PDE4D: variants seen among roughly 807,000 people sequenced by gnomAD.
PDE4D encodes phosphodiesterase 4D, also known as 3',5'-cyclic-AMP phosphodiesterase 4D.
PDE4D carries 24 observed loss-of-function variants against 87.4 expected under a neutral mutation model. That is an observed-to-expected ratio of 0.27 (90% confidence interval 0.20 to 0.39). The LOEUF (loss-of-function observed/expected upper bound fraction) is 0.39. Among genes scored for constraint, PDE4D ranks in the 10% least tolerant of loss-of-function variants. PDE4D has a pLI of 1.00. For synonymous variants in PDE4D, 384 were observed against 383.2 expected, an observed-to-expected ratio of 1.00 and a Z score of -0.02; for missense variants, 714 against 1,041.0, an observed-to-expected ratio of 0.69 and a Z score of 4.32.
intron 2 of PDE4D, among the ~76,000 whole-genome samples, chr5:60,012,017 G>A (rs1391359222): frequency 6.6e-6 from 1 of 151,966 alleles, no homozygotes; most frequent in Non-Finnish European, 1.5e-5. Flanking sequence ...CTATCACAGT[G>A]GTGCATGAAA....
chr5:60,068,804 G>A (rs1373741212), intron 2 of PDE4D, among the ~76,000 whole-genome samples: 1 of 152,076 alleles, frequency 6.6e-6, no homozygotes. Flanking sequence ...GTTTCACTAT[G>A]TTGCCCAGGC....
intron 1 of PDE4D, among the ~76,000 whole-genome samples, chr5:60,405,127 C>A (rs1379338144): frequency 6.6e-6 from 1 of 152,152 alleles, no homozygotes; most frequent in Admixed American, 6.5e-5. Flanking sequence ...GTTGCAAGGG[C>A]CAGGAAAACA....
chr5:59,973,953 T>C (rs1761046695), intron 3 of PDE4D, among the ~76,000 whole-genome samples: 1 of 152,170 alleles, frequency 6.6e-6, no homozygotes, highest in Non-Finnish European at 1.5e-5. Context: ...ATCATACAAC[T>C]CTATCAAATA....
At chr5:59,836,470 C>T (rs533024984) in intron 1 of PDE4D, among the ~76,000 whole-genome samples, 4 of 151,960 alleles carry the variant, frequency 2.6e-5, no homozygotes, top group African/African-American at 9.6e-5. Context: ...GTAAATATGT[C>T]GATGGGGAGT....
At chr5:59,684,322 T>C (rs1482724010) in intron 1 of PDE4D, among the ~76,000 whole-genome samples, 1 of 152,212 alleles carries the variant, frequency 6.6e-6, no homozygotes, top group Non-Finnish European at 1.5e-5. Context: ...GACTGTCATG[T>C]TTTATCATTT....
intron 1 of PDE4D, among the ~76,000 whole-genome samples, chr5:60,395,758 A>G (rs1463055701): frequency 2.1e-5 from 3 of 140,034 alleles, no homozygotes; most frequent in Non-Finnish European, 3.2e-5. Flanking sequence ...AAGATAGAAG[A>G]AAAAAAAAAA....
Position 59,516,351 on chromosome 5 carries a change from T to C in PDE4D, c.456-300383A>G, listed in dbSNP as rs112131521. On this transcript the variant is annotated intron_variant, in intron 1 of 14. Transcript: ENST00000340635. ...AGCTTTTCCTTCTCAGTCCTGGCAA[T>C]AGGCCTTCAACACCACACCATCACC... Among the ~76,000 whole-genome samples, 591 of 152,282 alleles carry C rather than the reference T, an allele frequency of 3.9e-3. 4 individuals carry two copies. Among genetic ancestry groups the C allele is most frequent in the African/African-American group, 0.011 (460 of 41,556 alleles).
intron 1 of PDE4D, among the ~76,000 whole-genome samples, chr5:60,251,985 T>A (rs999395332): frequency 6.6e-6 from 1 of 151,972 alleles, no homozygotes; most frequent in African/African-American, 2.4e-5. Flanking sequence ...TGTTTACATA[T>A]GCTTAGATAC....
chr5:59,013,062 T>A (rs1451067115), intron 6 of PDE4D, among the ~76,000 whole-genome samples: 1 of 152,098 alleles, frequency 6.6e-6, no homozygotes. Flanking sequence ...GGGTACATAA[T>A]GCGATGAAGG....
intron 2 of PDE4D, chr5:60,021,328 T>C (rs930533111): frequency 3.9e-5 from 6 of 152,162 alleles, no homozygotes; most frequent in African/African-American, 1.4e-4. Flanking sequence ...AGAGCAGTGT[T>C]AGGTAATAGG....
intron 5 of PDE4D, among the ~76,000 whole-genome samples, chr5:59,127,645 G>A (rs1213779427): frequency 1.6e-5 from 1 of 64,290 alleles, no homozygotes; most frequent in Non-Finnish European, 2.8e-5. Flanking sequence ...CTCCAGCACC[G>A]GCTTTTAATT....
Position 60,430,551 on chromosome 5 carries a change from T to TTG in PDE4D, c.-90+57390_-90+57391insCA, listed in dbSNP as rs201197664. Among the ~76,000 whole-genome samples, 40 of 137,484 alleles carry TTG rather than the reference T, an allele frequency of 2.9e-4. 1 individual carries two copies. The highest frequency in any genetic ancestry group is 9.3e-4 in the African/African-American group (32 of 34,452). 90.2% of individuals were successfully genotyped at this position (137,484 alleles called of 152,430 possible). A position where few individuals can be genotyped will look rare whatever the true frequency, so the allele number is the denominator to read the frequency against. On this transcript the variant is annotated intron_variant, in intron 1 of 16. Transcript: ENST00000502484. ...TTGTGTTTTGTTTTTTTTTGTTTGTTTTTTTTTTTTATTGATCATTCTTGG... is the reference window on the plus strand; with the variant it reads ...TTGTGTTTTGTTTTTTTTTGTTTGTTTGTTTTTTTTTTATTGATCATTCTTGG...
At chr5:59,711,025 C>G (rs1754124564) in intron 1 of PDE4D, among the ~76,000 whole-genome samples, 1 of 152,114 alleles carries the variant, frequency 6.6e-6, no homozygotes, top group Non-Finnish European at 1.5e-5. Flanking sequence ...GCATATTAAC[C>G]AATTTGACAA....
intron 1 of PDE4D, among the ~76,000 whole-genome samples, chr5:59,713,204 T>G (rs1308865787): frequency 6.6e-6 from 1 of 152,192 alleles, no homozygotes; most frequent in Non-Finnish European, 1.5e-5. Context: ...GTGACAGACA[T>G]ACCTCATCTG....
At chr5:60,408,178 G>C (rs1332329066) in intron 1 of PDE4D, among the ~76,000 whole-genome samples, 2 of 152,192 alleles carry the variant, frequency 1.3e-5, no homozygotes, top group Non-Finnish European at 2.9e-5. Context: ...CTGGAGCAGA[G>C]ACAACCTATT....
intron 1 of PDE4D, among the ~76,000 whole-genome samples, chr5:59,631,170 G>A (rs1044652814): frequency 6.6e-6 from 1 of 152,034 alleles, no homozygotes; most frequent in South Asian, 2.1e-4. Context: ...ATCTCATAAT[G>A]ACACTATCAA....
intron 1 of PDE4D, among the ~76,000 whole-genome samples, chr5:60,499,662 G>C (rs1749975771): frequency 6.6e-6 from 1 of 152,094 alleles, no homozygotes; most frequent in Non-Finnish European, 1.5e-5. Flanking sequence ...TCTTCACACA[G>C]AAAATCTTAT....
At chr5:60,447,117 CAT>C (rs1217651288) in intron 1 of PDE4D, among the ~76,000 whole-genome samples, 2 of 152,160 alleles carry the variant, frequency 1.3e-5, no homozygotes, top group African/African-American at 4.8e-5. Flanking sequence ...AGCTCTCTAA[CAT>C]GTGCTGATTG....
intron 1 of PDE4D, among the ~76,000 whole-genome samples, chr5:59,823,311 C>T (rs763543851): frequency 7.9e-5 from 12 of 152,202 alleles, no homozygotes; most frequent in Non-Finnish European, 1.3e-4. Flanking sequence ...CAATTTCCCC[C>T]ACATTTCATG....
Sources: allele counts gnomAD v4.1 joint callset (sites outside exome capture counted in the v4.1 genomes callset), GRCh38; gene constraint gnomAD v4.1.1; transcripts MANE v1.5; gene names NCBI Gene and HGNC (gene_info 2026-07-23, HGNC 2026-07-21).